The following CHD6 variants were observed in gnomAD, a reference collection of about 807,000 sequenced individuals.
The protein encoded by CHD6 is ATP-dependent chromatin remodeler CHD6.
A neutral mutation model predicts 276.9 loss-of-function variants in CHD6; 50 were observed. The ratio of observed to expected loss-of-function variants is 0.18; its 90% CI spans 0.14 to 0.23. The LOEUF (loss-of-function observed/expected upper bound fraction) is 0.23. CHD6 is among the 10% of genes least tolerant of loss of function. The pLI is 1.00. For synonymous variants in CHD6, 1,173 were observed against 1,229.3 expected, an observed-to-expected ratio of 0.95 and a Z score of 0.96; for missense variants, 2,564 against 3,365.8, an observed-to-expected ratio of 0.76 and a Z score of 5.89.
chr20:41,584,858 A>T (rs2045577221), intron 1 of CHD6, among the ~76,000 whole-genome samples: 1 of 152,152 alleles, frequency 6.6e-6, no homozygotes, highest in South Asian at 2.1e-4. Flanking sequence ...AAGAAGAAAG[A>T]CCTCAAATCA....
chr20:41,518,962 G>T (rs2145993439), intron 3 of CHD6, among the ~76,000 whole-genome samples: 2 of 152,258 alleles, frequency 1.3e-5, no homozygotes, highest in Admixed American at 1.3e-4. Context: ...ATATTTGTTT[G>T]CTCCTTGAAG....
intron 20 of CHD6, 103 bp from the exon 21 acceptor site, chr20:41,453,045 C>T (rs947428118): frequency 1.9e-5 from 16 of 864,106 alleles, no homozygotes; most frequent in Middle Eastern, 2.5e-4. Context: ...AACCATGCCC[C>T]GTCTCATCCT....
intron 1 of CHD6, among the ~76,000 whole-genome samples, chr20:41,598,579 T>G (rs1048760998): frequency 6.6e-6 from 1 of 152,128 alleles, no homozygotes; most frequent in African/African-American, 2.4e-5. Flanking sequence ...CCCCACAGCC[T>G]GGGGCAATAA....
At chr20:41,419,215 A>T (rs1215786486) in intron 31 of CHD6, among the ~76,000 whole-genome samples, 1 of 152,094 alleles carries the variant, frequency 6.6e-6, no homozygotes, top group Non-Finnish European at 1.5e-5. Flanking sequence ...GTAAATTTTA[A>T]TTTGGGTTCA....
At chr20:41,486,681 T>C (rs974549754) in intron 14 of CHD6, among the ~76,000 whole-genome samples, 4 of 152,220 alleles carry the variant, frequency 2.6e-5, no homozygotes, top group African/African-American at 9.6e-5. Context: ...AGGTCTTGCA[T>C]GGCTTCTCTG....
chr20:41,461,431 G>A (rs1387259285), intron 17 of CHD6, among the ~76,000 whole-genome samples: 2 of 152,174 alleles, frequency 1.3e-5, no homozygotes, highest in Non-Finnish European at 2.9e-5. Flanking sequence ...CAGCAGGGAG[G>A]TAACTGAATC....
At chr20:41,489,336 T>C (rs1335950397) in intron 12 of CHD6, among the ~76,000 whole-genome samples, 3 of 152,172 alleles carry the variant, frequency 2.0e-5, no homozygotes, top group Non-Finnish European at 4.4e-5. Context: ...AAAATGTTGC[T>C]GTTGGGTTTC....
chr20:41,464,307 TAACTA>T (rs1371254909), intron 17 of CHD6, among the ~76,000 whole-genome samples: 1 of 152,108 alleles, frequency 6.6e-6, no homozygotes, highest in Non-Finnish European at 1.5e-5. Context: ...GTGAAGAAAA[TAACTA>T]AACTAAGCAA....
intron 1 of CHD6, chr20:41,564,286 CA>C (rs2045332563): frequency 1.8e-6 from 1 of 559,070 alleles, no homozygotes; most frequent in East Asian, 2.9e-5. Flanking sequence ...ATATAAGACA[CA>C]AAAAACTCAC....
intron 33 of CHD6, among the ~76,000 whole-genome samples, chr20:41,416,290 A>G (rs2046993668): frequency 6.6e-6 from 1 of 152,028 alleles, no homozygotes; most frequent in Admixed American, 6.5e-5. Context: ...CTCTGAAACA[A>G]CCGGGGTCTA....
chr20:41,499,372 A>T lies in CHD6; in HGVS notation c.853-15T>A, dbSNP rs1469614034. Reference sequence around the variant, plus strand: ...TCTGGAGGCTCCTGGGGACAAAGATAAAAAAAAAAGAAAATTGCTGGAACC... The same window carrying T: ...TCTGGAGGCTCCTGGGGACAAAGATTAAAAAAAAAGAAAATTGCTGGAACC... On this transcript the variant is annotated splice_polypyrimidine_tract_variant and intron_variant, in intron 5 of 36. Coordinates refer to ENST00000373233, the MANE Select transcript of CHD6 (RefSeq NM_032221.5). The T allele has an allele frequency of 1.1e-5, 14 of 1,294,060 alleles. No individual in the cohort carries two copies. The highest frequency in any genetic ancestry group is 2.8e-5 in the East Asian group (1 of 35,318). The allele number at this position is 1,294,060 out of a possible 1,614,324, so 80.2% of individuals were successfully genotyped here.
At chr20:41,457,860 A>T (rs180892243) in intron 17 of CHD6, among the ~76,000 whole-genome samples, 6 of 152,186 alleles carry the variant, frequency 3.9e-5, no homozygotes, top group Non-Finnish European at 7.4e-5. Context: ...AAGTATAATG[A>T]CCTCTTACGG....
intron 2 of CHD6, among the ~76,000 whole-genome samples, chr20:41,539,180 T>C (rs2044892578): frequency 6.6e-6 from 1 of 152,224 alleles, no homozygotes; most frequent in Admixed American, 6.5e-5. Context: ...ACACACTGAC[T>C]GAACATGCGT....
rs138675502 is a variant in CHD6, at chr20:41,416,617, C to T, written c.6457G>A (p.Gly2153Ser). 2,633 of 1,613,278 alleles carry T rather than the reference C, an allele frequency of 1.6e-3. 5 individuals are homozygous for T. Among genetic ancestry groups the T allele is most frequent in the Admixed American group, 2.0e-3 (121 of 59,994 alleles). Residue 2153 changes from glycine (G) to serine (S), a missense_variant, in exon 33 of 37, where the codon GGC (glycine) becomes AGC (serine). This residue lies in a region of CHD6 where 1,024 missense variants were observed against 1,047.9 expected (regional missense o/e 0.98). Transcript: ENST00000373233. ...TGGATCTGGGCCGCCAATGCTGCGC[C>T]GTTGCTGAAGCTGTGTTCTGCTGCT... is the stretch of plus-strand genomic sequence containing the variant. ...PEAAEHSFSNGAALAAQIHKE... is the reference protein window; with the variant it reads ...PEAAEHSFSNSAALAAQIHKE...
chr20:41,471,729 G>T (rs1255436276), intron 17 of CHD6, among the ~76,000 whole-genome samples: 1 of 151,850 alleles, frequency 6.6e-6, no homozygotes, highest in Non-Finnish European at 1.5e-5. Flanking sequence ...TAGAGACGGG[G>T]TTTCACTGTG....
At chr20:41,558,004 C>T (rs2045259302) in intron 1 of CHD6, among the ~76,000 whole-genome samples, 1 of 152,166 alleles carries the variant, frequency 6.6e-6, no homozygotes, top group Admixed American at 6.5e-5. Context: ...GAGAGTAACT[C>T]ATCTGGGAAG....
At chr20:41,575,833 T>C (rs549108424) in intron 1 of CHD6, among the ~76,000 whole-genome samples, 7 of 152,254 alleles carry the variant, frequency 4.6e-5, no homozygotes, top group African/African-American at 1.4e-4. Flanking sequence ...AACTAAAGAA[T>C]CAACTCTTTT....
At chr20:41,575,542 A>G (rs1162597362) in intron 1 of CHD6, among the ~76,000 whole-genome samples, 1 of 152,208 alleles carries the variant, frequency 6.6e-6, no homozygotes, top group Non-Finnish European at 1.5e-5. Context: ...AGGAGGGCCC[A>G]TCCACTCACA....
chr20:41,574,905 G>A (rs978903535), intron 1 of CHD6, among the ~76,000 whole-genome samples: 1 of 152,166 alleles, frequency 6.6e-6, no homozygotes, highest in East Asian at 1.9e-4. Context: ...CAAAAGGATC[G>A]AAGGCTACAC....
Sources: allele counts gnomAD v4.1 joint callset (sites outside exome capture counted in the v4.1 genomes callset), GRCh38; gene constraint gnomAD v4.1.1; regional missense constraint gnomAD v4.1.1; transcripts MANE v1.5; gene names NCBI Gene and HGNC (gene_info 2026-07-23, HGNC 2026-07-21).